B4GAT1: variants seen among roughly 807,000 people sequenced by gnomAD.
The protein encoded by B4GAT1 is N-acetyllactosaminide beta-1,3-N-acetylglucosaminyltransferase.
B4GAT1 carries 18 observed loss-of-function variants against 35.0 expected under a neutral mutation model. That is an observed-to-expected ratio of 0.51 (90% CI 0.36 to 0.76). The LOEUF (loss-of-function observed/expected upper bound fraction) is 0.76, where lower values mean the gene tolerates loss of function less well. Among genes scored for constraint, B4GAT1 ranks in the 30% least tolerant of loss-of-function variants. The pLI is 0.01. For synonymous variants in B4GAT1, 217 were observed against 251.6 expected, an observed-to-expected ratio of 0.86 and a Z score of 1.30; for missense variants, 458 against 555.0, an observed-to-expected ratio of 0.83 and a Z score of 1.76.
In B4GAT1 at chr11:66,346,467, C is replaced by T. The variant is rs370222897; in HGVS notation, c.1056+23G>A. 1.8e-5 allele frequency: 28 copies of T among 1,583,704 alleles called. No individual in the cohort carries two copies. In the African/African-American group the frequency reaches 3.2e-4, roughly 18 times the overall value. On this transcript the variant is annotated intron_variant, in intron 1 of 1. Coordinates refer to ENST00000311181, the MANE Select transcript of B4GAT1 (RefSeq NM_006876.3). This position sits in a 1 kb window ranked among gnomAD's most constrained non-coding sequence, Gnocchi z 6.1. ...CCACCACCCCTCCTGCCCCATTACC[C>T]CTGCCCTCTCCCTTATGAGCACCTG...
Position 66,346,278 on chromosome 11 carries a change from A to G in B4GAT1, c.1057-38T>C, listed in dbSNP as rs374928172. 31 of 1,603,766 alleles carry G rather than the reference A, an allele frequency of 1.9e-5. No homozygotes were observed. Among genetic ancestry groups the G allele is most frequent in the Non-Finnish European group, 2.6e-5 (31 of 1,172,550 alleles). ...AGACAGGTTAGCAAAGTTTGATGACATTGACAGGCCTGAGACTGACTTCCC... is the reference window on the plus strand; with the variant it reads ...AGACAGGTTAGCAAAGTTTGATGACGTTGACAGGCCTGAGACTGACTTCCC... On this transcript the variant is annotated intron_variant, in intron 1 of 1. Coordinates refer to ENST00000311181, the MANE Select transcript of B4GAT1 (RefSeq NM_006876.3). The surrounding 1 kb of genome is among the most constrained non-coding windows in gnomAD (Gnocchi z 6.1).
In B4GAT1 at chr11:66,345,995, A is replaced by C; in HGVS notation, c.*54T>G. On this transcript the variant is annotated 3_prime_UTR_variant, in exon 2 of 2. Transcript: ENST00000311181. ...CATTTCTTACCCCAGTCAGGCCTAA[A>C]TGGTGGCCTGAGGAGCCAAGAGGCT... 3.8e-6 allele frequency: 6 copies of C among 1,563,312 alleles called. No homozygotes were observed. The highest frequency in any genetic ancestry group is 5.2e-6 in the Non-Finnish European group (6 of 1,144,308).
rs1464331594 is a variant in B4GAT1, at chr11:66,346,209, A to G, written c.1088T>C (p.Phe363Ser). ...CAAGAAACCTTCGTTCAGGACCTCA[A>G]AATCAAACCCCGCCACATGCAGCTC... Reference protein sequence around the residue: ...ACELHVAGFDFEVLNEGFLVH... With the variant: ...ACELHVAGFDSEVLNEGFLVH... Residue 363 changes from phenylalanine to serine, a missense_variant, in exon 2 of 2, where the codon TTT (phenylalanine) becomes TCT (serine). Physicochemically the swap from Phe to Ser is radical, Grantham distance 155. Coordinates refer to ENST00000311181, the MANE Select transcript of B4GAT1 (RefSeq NM_006876.3). The surrounding 1 kb of genome is among the most constrained non-coding windows in gnomAD (Gnocchi z 6.1). 1.9e-6 allele frequency: 3 copies of G among 1,613,722 alleles called. No individual in the cohort carries two copies. The highest frequency in any genetic ancestry group is 2.5e-6 in the Non-Finnish European group (3 of 1,179,652).
At position 66,347,319 on chromosome 11, in the gene B4GAT1, C is replaced by T. The variant is rs1276489367; in HGVS notation, c.227G>A (p.Ser76Asn). 3 of 1,573,122 alleles carry T rather than the reference C, an allele frequency of 1.9e-6. No homozygotes were observed. Among genetic ancestry groups the T allele is most frequent in the African/African-American group, 2.7e-5 (2 of 74,022 alleles). The change falls in exon 1 of 2, where the codon AGC (serine) becomes AAC (asparagine). Residue 76 changes from serine (S) to asparagine (N), a missense_variant. Coordinates refer to ENST00000311181, the MANE Select transcript of B4GAT1 (RefSeq NM_006876.3). This position sits in a 1 kb window ranked among gnomAD's most constrained non-coding sequence, Gnocchi z 6.3. The stretch of plus-strand genomic sequence containing the variant: ...GCCCCTGTAGACGCGGTAATCGCCG[C>T]TAGCGTCCAGGACGCCTCCAGAGGC... ...ALASGGVLDA[S>N]GDYRVYRGLL...
rs1290973853 is a variant in B4GAT1, at chr11:66,346,173, C to T, written c.1124G>A (p.Gly375Asp). The T allele has an allele frequency of 1.2e-6, 2 of 1,614,122 alleles. No individual in the cohort carries two copies. Among genetic ancestry groups the T allele is most frequent in the Non-Finnish European group, 1.7e-6 (2 of 1,180,018 alleles). ...ATGGAACTTCAACGCTTCTTTGAAG[C>T]CCTTATGAACCAAGAAACCTTCGTT... ...VLNEGFLVHKGFKEALKFHPQ... is the reference protein window; with the variant it reads ...VLNEGFLVHKDFKEALKFHPQ... The change falls in exon 2 of 2, where the codon GGC becomes GAC. Residue 375 changes from glycine to aspartate, a missense_variant. Physicochemically the swap from Gly to Asp is moderately conservative, Grantham distance 94 (BLOSUM62 -1). Coordinates refer to ENST00000311181, the MANE Select transcript of B4GAT1 (RefSeq NM_006876.3). This position sits in a 1 kb window ranked among gnomAD's most constrained non-coding sequence, Gnocchi z 6.1.
Position 66,346,819 on chromosome 11 carries a change from T to C in B4GAT1, c.727A>G (p.Met243Val). 1.2e-6 allele frequency: 2 copies of C among 1,613,290 alleles called. 1 individual carries two copies. The highest frequency in any genetic ancestry group is 3.3e-4 in the Middle Eastern group (2 of 6,060). ...CCCCACTGGTTGCTCTGATCCAGCA[T>C]TTCCCGCAGGCCTCTCCACAGCCCC... ...SEGLWRGLREMLDQSNQWGGT... is the reference protein window; with the variant it reads ...SEGLWRGLREVLDQSNQWGGT... The change falls in exon 1 of 2, where the codon ATG becomes GTG. Residue 243 changes from methionine (M) to valine (V), a missense_variant. Physicochemically the swap from Met to Val is conservative, Grantham distance 21. Transcript: ENST00000311181. This position sits in a 1 kb window ranked among gnomAD's most constrained non-coding sequence, Gnocchi z 6.1.
In B4GAT1 at chr11:66,346,040, G is replaced by C. The variant is rs1460494891; in HGVS notation, c.*9C>G. The C allele has an allele frequency of 1.9e-6, 3 of 1,603,912 alleles. No homozygotes were observed. Among genetic ancestry groups the C allele is most frequent in the South Asian group, 2.2e-5 (2 of 90,834 alleles). On this transcript the variant is annotated 3_prime_UTR_variant, in exon 2 of 2. Transcript: ENST00000311181. The surrounding 1 kb of genome is among the most constrained non-coding windows in gnomAD (Gnocchi z 6.1). Reference sequence around the variant, plus strand: ...GAGGCTGACTTCTCAGATTAGGGGAGGGAAGGGCTCAGCAGCGTCGGGGAG... The same window carrying C: ...GAGGCTGACTTCTCAGATTAGGGGACGGAAGGGCTCAGCAGCGTCGGGGAG...
chr11:66,347,363 C>T lies in B4GAT1; in HGVS notation c.183G>A (p.Ala61=). 6.3e-7 allele frequency: 1 copy of T among 1,587,914 alleles called. No individual in the cohort carries two copies. The highest frequency in any genetic ancestry group is 8.6e-7 in the Non-Finnish European group (1 of 1,167,526). Reference sequence around the variant, plus strand: ...CAGAGGCCAGCGCGGTGCGGAGCTGCGCCTTGACCTGGTCCACGGACCGTG... The same window carrying T: ...CAGAGGCCAGCGCGGTGCGGAGCTGTGCCTTGACCTGGTCCACGGACCGTG... ...PSPRSVDQVK[A]QLRTALASGG... Residue 61 remains alanine (A), a synonymous_variant, in exon 1 of 2, where the codon GCG becomes GCA. Transcript: ENST00000311181. This position sits in a 1 kb window ranked among gnomAD's most constrained non-coding sequence, Gnocchi z 6.3.
At position 66,346,187 on chromosome 11, in the gene B4GAT1, G is replaced by A. The variant is rs1360902956; in HGVS notation, c.1110C>T (p.Phe370=). The A allele has an allele frequency of 1.2e-5, 20 of 1,613,970 alleles. No individual in the cohort carries two copies. Among genetic ancestry groups the A allele is most frequent in the Non-Finnish European group, 1.4e-5 (17 of 1,180,014 alleles). ...GFDFEVLNEG[F]LVHKGFKEAL... is the part of the protein sequence containing the mutation. ...CTTCTTTGAAGCCCTTATGAACCAAGAAACCTTCGTTCAGGACCTCAAAAT... is the reference window on the plus strand; with the variant it reads ...CTTCTTTGAAGCCCTTATGAACCAAAAAACCTTCGTTCAGGACCTCAAAAT... Residue 370 remains phenylalanine, a synonymous_variant, in exon 2 of 2, where the codon TTC becomes TTT. Coordinates refer to ENST00000311181, the MANE Select transcript of B4GAT1 (RefSeq NM_006876.3). The surrounding 1 kb of genome is among the most constrained non-coding windows in gnomAD (Gnocchi z 6.1).
chr11:66,346,973 C>G lies in B4GAT1; in HGVS notation c.573G>C (p.Arg191Ser), dbSNP rs1228860313. The G allele has an allele frequency of 6.2e-7, 1 of 1,610,310 alleles. No individual in the cohort carries two copies. Among genetic ancestry groups the G allele is most frequent in the South Asian group, 1.1e-5 (1 of 91,010 alleles). The change falls in exon 1 of 2, where the codon AGG becomes AGC. Residue 191 changes from arginine (R) to serine (S), a missense_variant. Coordinates refer to ENST00000311181, the MANE Select transcript of B4GAT1 (RefSeq NM_006876.3). This position sits in a 1 kb window ranked among gnomAD's most constrained non-coding sequence, Gnocchi z 6.1. ...SCQEVFDKLA[R>S]VAQPGINYAL... ...CATAATTAATCCCGGGCTGGGCCAC[C>G]CTGGCTAGCTTGTCAAAGACCTCCT...
At position 66,347,333 on chromosome 11, in the gene B4GAT1, G is replaced by A. The variant is rs770834329; in HGVS notation, c.213C>T (p.Gly71=). Residue 71 remains glycine, a synonymous_variant, in exon 1 of 2, where the codon GGC becomes GGT. Transcript: ENST00000311181. The surrounding 1 kb of genome is among the most constrained non-coding windows in gnomAD (Gnocchi z 6.3). ...AQLRTALASG[G]VLDASGDYRV... ...GGTAATCGCCGCTAGCGTCCAGGAC[G>A]CCTCCAGAGGCCAGCGCGGTGCGGA... 5 of 1,579,320 alleles carry A rather than the reference G, an allele frequency of 3.2e-6. No individual in the cohort carries two copies. Among genetic ancestry groups the A allele is most frequent in the Non-Finnish European group, 4.3e-6 (5 of 1,163,186 alleles).
In B4GAT1 at chr11:66,346,129, T is replaced by C. The variant is rs397509397; in HGVS notation, c.1168A>G (p.Asn390Asp). 7 of 1,614,128 alleles carry C rather than the reference T, an allele frequency of 4.3e-6. No homozygotes were observed. In the South Asian group the frequency reaches 6.6e-5, roughly 15 times the overall value. Residue 390 changes from asparagine (N) to aspartate (D), a missense_variant, in exon 2 of 2, where the codon AAT becomes GAT. Coordinates refer to ENST00000311181, the MANE Select transcript of B4GAT1 (RefSeq NM_006876.3). This position sits in a 1 kb window ranked among gnomAD's most constrained non-coding sequence, Gnocchi z 6.1. ...CGATATAGGATCTTATTGTGCTGATTTTCAGCCTCCTTTTGGGGATGGAAC... is the reference window on the plus strand; with the variant it reads ...CGATATAGGATCTTATTGTGCTGATCTTCAGCCTCCTTTTGGGGATGGAAC... ...LKFHPQKEAE[N>D]QHNKILYRQF...
Position 66,346,142 on chromosome 11 carries a change from T to C in B4GAT1, c.1155A>G (p.Gln385=). 1 of 1,614,168 alleles carries C rather than the reference T, an allele frequency of 6.2e-7. No homozygotes were observed. Reference sequence around the variant, plus strand: ...TATTGTGCTGATTTTCAGCCTCCTTTTGGGGATGGAACTTCAACGCTTCTT... The same window carrying C: ...TATTGTGCTGATTTTCAGCCTCCTTCTGGGGATGGAACTTCAACGCTTCTT... The part of the protein sequence containing the change: ...GFKEALKFHP[Q]KEAENQHNKI... Residue 385 remains glutamine (Q), a synonymous_variant, in exon 2 of 2, where the codon CAA becomes CAG. Transcript: ENST00000311181. The surrounding 1 kb of genome is among the most constrained non-coding windows in gnomAD (Gnocchi z 6.1).
Position 66,347,416 on chromosome 11 carries a change from G to GA in B4GAT1, c.129_130insT (p.Gln44SerfsTer4). 1 of 1,580,354 alleles carries GA rather than the reference G, an allele frequency of 6.3e-7. No homozygotes were observed. ...GACGGGGGAAAGAACTCAAAATATT[G>GA]GTCTTGCTCCTCCTGCCCGTGCAGT... On this transcript the variant is annotated frameshift_variant, in exon 1 of 2. Transcript: ENST00000311181. LOFTEE classifies it high-confidence loss of function. The surrounding 1 kb of genome is among the most constrained non-coding windows in gnomAD (Gnocchi z 6.3).
In B4GAT1 at chr11:66,346,868, G is replaced by T; in HGVS notation, c.678C>A (p.Ile226=). ...AREGANYALV[I]DVDMVPSEGL... Reference sequence around the variant, plus strand: ...CCTCGCTGGGCACCATGTCCACATCGATCACCAGGGCATAGTTGGCCCCCT... The same window carrying T: ...CCTCGCTGGGCACCATGTCCACATCTATCACCAGGGCATAGTTGGCCCCCT... Residue 226 remains isoleucine, a synonymous_variant, in exon 1 of 2, where the codon ATC becomes ATA. Coordinates refer to ENST00000311181, the MANE Select transcript of B4GAT1 (RefSeq NM_006876.3). This position sits in a 1 kb window ranked among gnomAD's most constrained non-coding sequence, Gnocchi z 6.1. 6.2e-7 allele frequency: 1 copy of T among 1,613,864 alleles called. No individual in the cohort carries two copies. The highest frequency in any genetic ancestry group is 8.5e-7 in the Non-Finnish European group (1 of 1,180,000).
chr11:66,347,602 G>T lies in B4GAT1; in HGVS notation c.-57C>A. 12 of 1,235,798 alleles carry T rather than the reference G, an allele frequency of 9.7e-6. No individual in the cohort carries two copies. The highest frequency in any genetic ancestry group is 1.1e-5 in the Non-Finnish European group (11 of 989,930). The allele number at this position is 1,235,798 out of a possible 1,614,324, so 76.6% of individuals were successfully genotyped here. A position where few individuals can be genotyped will look rare whatever the true frequency, so the allele number is the denominator to read the frequency against. On this transcript the variant is annotated 5_prime_UTR_variant, in exon 1 of 2. Coordinates refer to ENST00000311181, the MANE Select transcript of B4GAT1 (RefSeq NM_006876.3). This position sits in a 1 kb window ranked among gnomAD's most constrained non-coding sequence, Gnocchi z 6.3. ...CCACCCGGCCACAGACTACGCCAGC[G>T]GCCGCAAGCCCGGATTTACCGCAGC...
chr11:66,345,729 C>T lies in B4GAT1; in HGVS notation c.*320G>A, dbSNP rs1423657432. 3 of 299,240 alleles carry T rather than the reference C, an allele frequency of 1.0e-5. No homozygotes were observed. Among genetic ancestry groups the T allele is most frequent in the African/African-American group, 4.3e-5 (2 of 47,028 alleles). The allele number at this position is 299,240 out of a possible 1,614,324, so 18.5% of individuals were successfully genotyped here. On this transcript the variant is annotated 3_prime_UTR_variant, in exon 2 of 2. Coordinates refer to ENST00000311181, the MANE Select transcript of B4GAT1 (RefSeq NM_006876.3). ...ATACTGCGATAATATTAATACTTCA[C>T]ATTTGTACGAAGCTTACAGAATGTT...
chr11:66,347,197 C>T lies in B4GAT1; in HGVS notation c.349G>A (p.Glu117Lys), dbSNP rs1286197293. The T allele has an allele frequency of 2.5e-6, 4 of 1,580,560 alleles. No individual in the cohort carries two copies. Among genetic ancestry groups the T allele is most frequent in the Non-Finnish European group, 3.4e-6 (4 of 1,164,036 alleles). ...LHLSGLLERW[E>K]GPLSVSVFAA... is the part of the protein sequence containing the mutation. ...AACACCGACACGGACAGCGGGCCCT[C>T]CCAGCGCTCCAGCAGACCCGACAGG... Residue 117 changes from glutamate to lysine, a missense_variant, in exon 1 of 2, where the codon GAG becomes AAG. Transcript: ENST00000311181. The surrounding 1 kb of genome is among the most constrained non-coding windows in gnomAD (Gnocchi z 6.3).
rs1296863347 is a variant in B4GAT1, at chr11:66,346,685, G to C, written c.861C>G (p.Phe287Leu). 1.2e-6 allele frequency: 2 copies of C among 1,613,852 alleles called. No individual in the cohort carries two copies. Among genetic ancestry groups the C allele is most frequent in the Non-Finnish European group, 8.5e-7 (1 of 1,180,030 alleles). ...QLYQVGEVRPFYYGLCTPCQA... is the reference protein window; with the variant it reads ...QLYQVGEVRPLYYGLCTPCQA... ...GGCAGGGGGTGCACAACCCATAATA[G>C]AAGGGCCGCACCTCGCCAACCTGGT... Residue 287 changes from phenylalanine (F) to leucine (L), a missense_variant, in exon 1 of 2, where the codon TTC becomes TTG. By Grantham distance (22) the Phe-to-Leu change is conservative. Coordinates refer to ENST00000311181, the MANE Select transcript of B4GAT1 (RefSeq NM_006876.3). This position sits in a 1 kb window ranked among gnomAD's most constrained non-coding sequence, Gnocchi z 6.1.
Sources: gnomAD v4.1 joint callset for allele counts on GRCh38, gnomAD v4.1.1 for gene constraint, Gnocchi (gnomAD v3.1) non-coding constraint, MANE v1.5 for transcripts, NCBI Gene and HGNC (gene_info 2026-07-23, HGNC 2026-07-21) for gene names.